The following RAB19 variants were observed in gnomAD, a reference collection of about 807,000 sequenced individuals.
The protein encoded by RAB19 is RAB19, member RAS oncogene family, also known as ras-related protein Rab-19.
In RAB19, 21 loss-of-function variants were observed where a neutral mutation model predicts 17.3. The observed-to-expected ratio is 1.21, with a 90% CI of 0.86 to 1.74. RAB19 has a LOEUF of 1.74. RAB19 is among the 40% of genes most tolerant of loss of function. RAB19 has a pLI of 0.00. For synonymous variants in RAB19, 126 were observed against 110.4 expected (o/e 1.14, Z -0.88); for missense variants, 277 against 286.8 (o/e 0.97, Z 0.25).
At chr7:140,409,901 GA>G (rs1311280773) in intron 2 of RAB19, among the ~76,000 whole-genome samples, 1 of 148,994 alleles carries the variant, frequency 6.7e-6, no homozygotes, top group Non-Finnish European at 1.5e-5. Flanking sequence ...GCTGAGGCAG[GA>G]GAATGGCGTG....
intron 1 of RAB19, among the ~76,000 whole-genome samples, chr7:140,406,516 T>C (rs1463795356): frequency 6.6e-6 from 1 of 151,556 alleles, no homozygotes; most frequent in Admixed American, 6.6e-5. Flanking sequence ...AGTGCAGGTC[T>C]ATAGTCCCAG....
At chr7:140,412,557 G>A (rs909556849) in intron 3 of RAB19, among the ~76,000 whole-genome samples, 2 of 150,998 alleles carry the variant, frequency 1.3e-5, no homozygotes, top group Non-Finnish European at 1.5e-5. Context: ...TTGTAAAGAC[G>A]GGGTTTTGCC....
rs1170542635 is a variant in RAB19, at chr7:140,409,810, G to A, written c.201+1963G>A. On this transcript the variant is annotated intron_variant, in intron 2 of 3. Transcript: ENST00000537763. ...AGATTGAGACCATCCTGGCTAACAC[G>A]GTGAAACCCCGTCTCTACTAAAAAT... is the stretch of plus-strand genomic sequence containing the variant. Among the ~76,000 whole-genome samples, 19 of 151,868 alleles carry A rather than the reference G, an allele frequency of 1.3e-4. No homozygotes were observed. The East Asian group carries it at 1.4e-3, about 11-fold the overall frequency.
At chr7:140,424,606 TC>T (rs1799621232) in intron 3 of RAB19, among the ~76,000 whole-genome samples, 1 of 91,992 alleles carries the variant, frequency 1.1e-5, no homozygotes, top group Admixed American at 1.2e-4. Context: ...TCTCTCTCTC[TC>T]TCTCTCTCTC....
At chr7:140,418,750 G>A (rs1019527338) in intron 3 of RAB19, among the ~76,000 whole-genome samples, 12 of 151,308 alleles carry the variant, frequency 7.9e-5, no homozygotes, top group African/African-American at 2.7e-4. Flanking sequence ...TCCCAGCTAC[G>A]CAGGAGGCTG....
At chr7:140,414,055 C>CTT (rs201501601) in intron 3 of RAB19, among the ~76,000 whole-genome samples, 1 of 151,932 alleles carries the variant, frequency 6.6e-6, no homozygotes, top group Non-Finnish European at 1.5e-5. Context: ...TACCTTCTCT[C>CTT]TTTTTTTGAG....
chr7:140,412,123 G>C, intron 3 of RAB19, 66 bp downstream of exon 3: 1 of 1,449,856 alleles, frequency 6.9e-7, no homozygotes, highest in African/African-American at 1.4e-5. Context: ...CTTTCTGCAT[G>C]TTTCTAATGA....
At chr7:140,419,821 A>G (rs1304830672) in intron 3 of RAB19, among the ~76,000 whole-genome samples, 1 of 152,072 alleles carries the variant, frequency 6.6e-6, no homozygotes, top group Admixed American at 6.6e-5. Context: ...TTTTACTTCC[A>G]TGCATCCTGA....
intron 3 of RAB19, among the ~76,000 whole-genome samples, chr7:140,415,601 C>G (rs931878831): frequency 6.6e-6 from 1 of 152,080 alleles, no homozygotes; most frequent in Non-Finnish European, 1.5e-5. Flanking sequence ...GCCGCATGGC[C>G]AAATACATTA....
chr7:140,413,410 T>A (rs28612258), intron 3 of RAB19, among the ~76,000 whole-genome samples: 1 of 152,076 alleles, frequency 6.6e-6, no homozygotes, highest in Non-Finnish European at 1.5e-5. Context: ...TTTCTATTTC[T>A]GTGATGAATG....
chr7:140,427,007 A>G lies in RAB19; in HGVS notation c.*857A>G, dbSNP rs545914647. The stretch of plus-strand genomic sequence containing the variant: ...CAGACACACGCCACCACTCCTGGCT[A>G]ATTTTTGTATTTTTTGTAGAGACAA... On this transcript the variant is annotated 3_prime_UTR_variant, in exon 4 of 4. Coordinates refer to ENST00000537763, the MANE Select transcript of RAB19 (RefSeq NM_001008749.3). 6.7e-6 allele frequency among the ~76,000 whole-genome samples: 1 copy of G among 150,200 alleles called. No homozygotes were observed. Among genetic ancestry groups the G allele is most frequent in the African/African-American group, 2.4e-5 (1 of 40,924 alleles).
rs189833384 is a variant in RAB19 at position 140,416,632 on chromosome 7, C to T, written c.385+4575C>T. ...AAGAAGCCCTTCCTTGGGGCAGGGCCGTCTGTCACTGTGCACTTAGCAAAC... is the reference window on the plus strand; with the variant it reads ...AAGAAGCCCTTCCTTGGGGCAGGGCTGTCTGTCACTGTGCACTTAGCAAAC... On this transcript the variant is annotated intron_variant, in intron 3 of 3. Transcript: ENST00000537763. 2.1e-3 allele frequency among the ~76,000 whole-genome samples: 315 copies of T among 152,274 alleles called. 1 individual carries two copies. The highest frequency in any genetic ancestry group is 3.9e-3 in the Non-Finnish European group (267 of 68,016).
At chr7:140,419,296 C>T (rs547980553) in intron 3 of RAB19, among the ~76,000 whole-genome samples, 8 of 152,092 alleles carry the variant, frequency 5.3e-5, no homozygotes, top group Non-Finnish European at 1.0e-4. Context: ...CTTGAACTCC[C>T]CACCTCAAGT....
At chr7:140,409,803 C>T (rs1378746686) in intron 2 of RAB19, among the ~76,000 whole-genome samples, 1 of 151,920 alleles carries the variant, frequency 6.6e-6, no homozygotes, top group Non-Finnish European at 1.5e-5. Flanking sequence ...ACCATCCTGG[C>T]TAACACGGTG....
chr7:140,412,226 C>T lies in RAB19; in HGVS notation c.385+169C>T, dbSNP rs56099604. ...CAGCACTTTGGGAGGCTGGGGCGGG[C>T]GGATCACGAGGTCAGGAGATCCAGA... On this transcript the variant is annotated intron_variant, in intron 3 of 3. Coordinates refer to ENST00000537763, the MANE Select transcript of RAB19 (RefSeq NM_001008749.3). Among the ~76,000 whole-genome samples the T allele has an allele frequency of 0.058, 8,734 of 151,888 alleles. 319 individuals carry two copies. Among genetic ancestry groups the T allele is most frequent in the South Asian group, 0.14 (680 of 4,796 alleles).
intron 2 of RAB19, among the ~76,000 whole-genome samples, chr7:140,410,058 T>A (rs1799324988): frequency 6.9e-6 from 1 of 145,220 alleles, no homozygotes; most frequent in Admixed American, 6.8e-5. Context: ...TTCAAAGAAA[T>A]CAACAGAAAG....
chr7:140,426,122 C>T lies in RAB19; in HGVS notation c.626C>T (p.Pro209Leu), dbSNP rs775034178. The change falls in exon 4 of 4, where the codon CCA (proline) becomes CTA (leucine). Residue 209 changes from proline to leucine, a missense_variant. By Grantham distance (98) the Pro-to-Leu change is moderately conservative. Coordinates refer to ENST00000537763, the MANE Select transcript of RAB19 (RefSeq NM_001008749.3). The part of the protein sequence containing the change: ...DSSPVLMAQG[P>L]SEKTHCTC ...AGCCCCGTTCTTATGGCCCAGGGTC[C>T]AAGTGAAAAGACCCACTGCACTTGC... 6.2e-7 allele frequency: 1 copy of T among 1,613,966 alleles called. No individual in the cohort carries two copies. The highest frequency in any genetic ancestry group is 2.2e-5 in the East Asian group (1 of 44,876).
chr7:140,411,520 T>C (rs1799361050), intron 2 of RAB19, among the ~76,000 whole-genome samples: 2 of 146,716 alleles, frequency 1.4e-5, no homozygotes, highest in African/African-American at 5.1e-5. Flanking sequence ...ACACTAACAC[T>C]AATGATACCT....
intron 3 of RAB19, 103 bp from the exon 4 acceptor site, chr7:140,425,779 C>A: frequency 1.7e-6 from 2 of 1,193,212 alleles, no homozygotes; most frequent in Non-Finnish European, 2.4e-6. Context: ...TGAATGAATG[C>A]ATGCATGCCT....
Sources: gnomAD v4.1 joint callset for allele counts (sites outside exome capture counted in the v4.1 genomes callset) on GRCh38, gnomAD v4.1.1 for gene constraint, MANE v1.5 for transcripts, NCBI Gene and HGNC (gene_info 2026-07-23, HGNC 2026-07-21) for gene names.